Variants in NOVA1 observed in about 807,000 individuals in gnomAD.
NOVA1 encodes the protein RNA-binding protein Nova-1.
In NOVA1, 7 loss-of-function variants were observed where a neutral mutation model predicts 38.0. The observed-to-expected ratio is 0.18, with a 90% CI of 0.10 to 0.35. NOVA1 has a LOEUF of 0.35. NOVA1 is among the 10% of genes least tolerant of loss of function. The pLI is 1.00. For synonymous variants in NOVA1, 270 were observed against 232.5 expected (o/e 1.16, Z -1.47); for missense variants, 460 against 616.0 (o/e 0.75, Z 2.68).
At chr14:26,492,953 A>T (rs1490129418) in intron 2 of NOVA1, among the ~76,000 whole-genome samples, 1 of 152,104 alleles carries the variant, frequency 6.6e-6, no homozygotes, top group Non-Finnish European at 1.5e-5. Context: ...TTAAAATTAA[A>T]ATTAAAAATA....
intron 2 of NOVA1, among the ~76,000 whole-genome samples, chr14:26,505,726 T>G (rs1887597366): frequency 6.6e-6 from 1 of 152,204 alleles, no homozygotes; most frequent in African/African-American, 2.4e-5. Flanking sequence ...ATGATCTAAT[T>G]TTTCTTATTT....
intron 2 of NOVA1, among the ~76,000 whole-genome samples, chr14:26,548,256 TA>T (rs1341769899): frequency 5.9e-5 from 9 of 151,994 alleles, no homozygotes; most frequent in African/African-American, 2.2e-4. Flanking sequence ...AACCCTGAAT[TA>T]AAAGGAAAAC....
chr14:26,554,811 CTTAT>C (rs1566533128), intron 2 of NOVA1, among the ~76,000 whole-genome samples: 1 of 152,086 alleles, frequency 6.6e-6, no homozygotes, highest in Non-Finnish European at 1.5e-5. Context: ...TTACCACATT[CTTAT>C]TTATTATTCT....
At chr14:26,592,556 C>T (rs1202887504) in intron 2 of NOVA1, among the ~76,000 whole-genome samples, 1 of 151,420 alleles carries the variant, frequency 6.6e-6, no homozygotes, top group Non-Finnish European at 1.5e-5. Flanking sequence ...ATACATTTTA[C>T]AATTCCTCAT....
At chr14:26,578,575 TTAGG>T (rs1440268058) in intron 2 of NOVA1, among the ~76,000 whole-genome samples, 1 of 152,122 alleles carries the variant, frequency 6.6e-6, no homozygotes, top group Non-Finnish European at 1.5e-5. Flanking sequence ...ACTCATATAC[TTAGG>T]TAGGTAGATC....
At chr14:26,475,580 A>AT (rs1423737327) in intron 3 of NOVA1, among the ~76,000 whole-genome samples, 2 of 152,236 alleles carry the variant, frequency 1.3e-5, no homozygotes, top group African/African-American at 4.8e-5. Context: ...TTTCAGTGCC[A>AT]TTTTTTCTTT....
At chr14:26,577,317 T>C (rs1235794924) in intron 2 of NOVA1, among the ~76,000 whole-genome samples, 2 of 152,104 alleles carry the variant, frequency 1.3e-5, no homozygotes, top group Non-Finnish European at 2.9e-5. Flanking sequence ...TTCTTAAATA[T>C]AAATTTCCTA....
At chr14:26,534,884 G>A (rs964452417) in intron 2 of NOVA1, among the ~76,000 whole-genome samples, 1 of 152,120 alleles carries the variant, frequency 6.6e-6, no homozygotes, top group Non-Finnish European at 1.5e-5. Flanking sequence ...GGGGCTGAGA[G>A]TCAAGGAAAG....
In NOVA1 at chr14:26,587,045, C is replaced by T. The variant is rs183626697; in HGVS notation, c.280+8365G>A. On this transcript the variant is annotated intron_variant, in intron 2 of 4. Transcript: ENST00000539517. Reference sequence around the variant, plus strand: ...ACAAAACAAGAGAATGAAGTACCTACCACAATTGCACCACAAATTCAGAAA... The same window carrying T: ...ACAAAACAAGAGAATGAAGTACCTATCACAATTGCACCACAAATTCAGAAA... Among the ~76,000 whole-genome samples the T allele has an allele frequency of 1.5e-3, 223 of 150,632 alleles. 1 individual carries two copies. The highest frequency in any genetic ancestry group is 2.5e-3 in the Admixed American group (38 of 15,056).
At chr14:26,523,754 T>G (rs1255956048) in intron 2 of NOVA1, among the ~76,000 whole-genome samples, 2 of 147,166 alleles carry the variant, frequency 1.4e-5, no homozygotes, top group Non-Finnish European at 3.0e-5. Context: ...GAAGATTTTT[T>G]TTTTTTTTTT....
chr14:26,458,068 A>T lies in NOVA1; in HGVS notation c.520-9105T>A, dbSNP rs540905917. The stretch of plus-strand genomic sequence containing the variant: ...GAAGACATACATGTGGCCAACATAC[A>T]TATGAAAAAATGTTCAACATCACTA... On this transcript the variant is annotated intron_variant, in intron 4 of 4. Coordinates refer to ENST00000539517, the MANE Select transcript of NOVA1 (RefSeq NM_002515.3). Among the ~76,000 whole-genome samples, 8 of 152,318 alleles carry T rather than the reference A, an allele frequency of 5.3e-5. No homozygotes were observed. In the South Asian group the frequency reaches 1.7e-3, roughly 32 times the overall value.
intron 2 of NOVA1, among the ~76,000 whole-genome samples, chr14:26,495,016 T>A (rs1040588620): frequency 6.6e-6 from 1 of 152,144 alleles, no homozygotes; most frequent in African/African-American, 2.4e-5. Flanking sequence ...TCAGTCCCCA[T>A]CTCATATTAC....
intron 2 of NOVA1, among the ~76,000 whole-genome samples, chr14:26,562,760 A>C (rs1891904128): frequency 6.6e-6 from 1 of 152,136 alleles, no homozygotes; most frequent in Non-Finnish European, 1.5e-5. Context: ...TATATACAGA[A>C]CATTTTGGCA....
At chr14:26,454,542 C>T (rs575488400) in intron 4 of NOVA1, among the ~76,000 whole-genome samples, 1 of 152,174 alleles carries the variant, frequency 6.6e-6, no homozygotes, top group Admixed American at 6.5e-5. Flanking sequence ...TGAATCTAAC[C>T]CTGTCTAAAG....
At chr14:26,517,007 G>A (rs1237972473) in intron 2 of NOVA1, among the ~76,000 whole-genome samples, 1 of 150,468 alleles carries the variant, frequency 6.6e-6, no homozygotes, top group Non-Finnish European at 1.5e-5. Context: ...CCAGGTTCAA[G>A]CGATTCTCCT....
intron 2 of NOVA1, among the ~76,000 whole-genome samples, chr14:26,483,184 G>A (rs991493913): frequency 3.3e-5 from 5 of 152,106 alleles, no homozygotes; most frequent in African/African-American, 1.2e-4. Flanking sequence ...TAATAGAAAA[G>A]TTTTCACAGA....
At chr14:26,547,687 A>G (rs951648028) in intron 2 of NOVA1, among the ~76,000 whole-genome samples, 1 of 152,156 alleles carries the variant, frequency 6.6e-6, no homozygotes, top group Non-Finnish European at 1.5e-5. Context: ...ACTTCAGTAA[A>G]TAAAATGAAT....
intron 4 of NOVA1, among the ~76,000 whole-genome samples, chr14:26,465,864 C>T (rs1228859641): frequency 6.6e-6 from 1 of 151,938 alleles, no homozygotes; most frequent in East Asian, 1.9e-4. Context: ...TTACTTTACT[C>T]AGAGAGTAAG....
chr14:26,505,157 G>A (rs1887551034), intron 2 of NOVA1, among the ~76,000 whole-genome samples: 1 of 152,118 alleles, frequency 6.6e-6, no homozygotes, highest in Non-Finnish European at 1.5e-5. Context: ...TGTAAAGGAA[G>A]CAACATGAAC....
Sources: allele counts gnomAD v4.1 joint callset (sites outside exome capture counted in the v4.1 genomes callset), GRCh38; gene constraint gnomAD v4.1.1; transcripts MANE v1.5; gene names NCBI Gene and HGNC (gene_info 2026-07-23, HGNC 2026-07-21).